RALYL: variants seen among roughly 807,000 people sequenced by gnomAD.
The protein encoded by RALYL is RNA-binding Raly-like protein.
Under a neutral mutation model 35.1 loss-of-function variants are expected in RALYL, and 29 were observed. The ratio of observed to expected loss-of-function variants is 0.83; its 90% CI spans 0.61 to 1.13. RALYL has a LOEUF of 1.13. Among genes scored for constraint, RALYL ranks in the 50% most tolerant of loss-of-function variants. RALYL has a pLI of 0.00. For missense variants in RALYL, 359 were observed against 360.4 expected, an observed-to-expected ratio of 1.00 and a Z score of 0.03; for synonymous variants, 120 against 127.6, an observed-to-expected ratio of 0.94 and a Z score of 0.40.
At chr8:84,302,823 A>T (rs1262659665) in intron 1 of RALYL, among the ~76,000 whole-genome samples, 2 of 152,176 alleles carry the variant, frequency 1.3e-5, no homozygotes, top group African/African-American at 4.8e-5. Context: ...AGCATTTATA[A>T]GGTCTCTCCA....
At chr8:84,403,618 A>G (rs749283075) in intron 1 of RALYL, among the ~76,000 whole-genome samples, 38 of 134,078 alleles carry the variant, frequency 2.8e-4, no homozygotes, top group Middle Eastern at 5.1e-3. Flanking sequence ...AGGTAGCGTG[A>G]TGCCTCCAGC....
chr8:84,735,811 C>CGAGAGAGAGAGAGAGAGAGAGAGAGAGA (rs59842702), intron 2 of RALYL, among the ~76,000 whole-genome samples: 1 of 111,306 alleles, frequency 9.0e-6, no homozygotes, highest in Non-Finnish European at 2.0e-5. Context: ...ATCCAAACCG[C>CGAGAGAGAGAGAGAGAGAGAGAGAGAGA]GAGAGAGAGA....
chr8:84,276,723 G>T (rs1479794901), intron 1 of RALYL, among the ~76,000 whole-genome samples: 2 of 152,270 alleles, frequency 1.3e-5, no homozygotes, highest in Middle Eastern at 3.4e-3. Flanking sequence ...GCTAAATGAG[G>T]TTTGATATTT....
At chr8:84,755,830 A>T (rs1811258048) in intron 2 of RALYL, among the ~76,000 whole-genome samples, 1 of 151,946 alleles carries the variant, frequency 6.6e-6, no homozygotes. Flanking sequence ...AATGTTTTGT[A>T]ACTTGACAGC....
intron 1 of RALYL, among the ~76,000 whole-genome samples, chr8:84,521,183 T>A (rs1033783950): frequency 5.3e-5 from 8 of 152,144 alleles, no homozygotes; most frequent in African/African-American, 1.9e-4. Flanking sequence ...TGTGCCCTTA[T>A]AAGAAGTGGA....
chr8:84,308,006 C>T lies in RALYL; in HGVS notation c.-24+123582C>T, dbSNP rs1031971645. Among the ~76,000 whole-genome samples, 7 of 150,986 alleles carry T rather than the reference C, an allele frequency of 4.6e-5. No homozygotes were observed. The South Asian group carries it at 6.3e-4, about 14-fold the overall frequency. The stretch of plus-strand genomic sequence containing the variant: ...AAGAAGTAAAGGCTAATTGAGCTGC[C>T]GCTCAAAACCGTAGGTCAGAAAAAA... On this transcript the variant is annotated intron_variant, in intron 1 of 8. Transcript: ENST00000521268.
chr8:84,388,414 C>G (rs1859771703), intron 1 of RALYL, among the ~76,000 whole-genome samples: 1 of 152,168 alleles, frequency 6.6e-6, no homozygotes, highest in African/African-American at 2.4e-5. Context: ...TGAGGAATCG[C>G]CACACTGACT....
intron 1 of RALYL, among the ~76,000 whole-genome samples, chr8:84,329,547 G>C (rs1846429116): frequency 6.6e-6 from 1 of 152,016 alleles, no homozygotes; most frequent in African/African-American, 2.4e-5. Context: ...CTCCCATTCT[G>C]TAGGTTGTCT....
Position 84,539,890 on chromosome 8 carries a change from G to A in RALYL, c.256+10313G>A, listed in dbSNP as rs868211889. ...TATATATATATATGTATATATATGT[G>A]TGTGTGTGTGTGTGTGTGTACATGC... On this transcript the variant is annotated intron_variant, in intron 2 of 8. Transcript: ENST00000521268. Among the ~76,000 whole-genome samples, 283 of 132,202 alleles carry A rather than the reference G, an allele frequency of 2.1e-3. 3 individuals carry two copies. Among genetic ancestry groups the A allele is most frequent in the African/African-American group, 6.7e-3 (239 of 35,910 alleles). 86.7% of individuals were successfully genotyped at this position (132,202 alleles called of 152,430 possible). A position where few individuals can be genotyped will look rare whatever the true frequency, so the allele number is the denominator to read the frequency against.
chr8:84,272,296 G>A (rs543982997), intron 1 of RALYL, among the ~76,000 whole-genome samples: 12 of 152,176 alleles, frequency 7.9e-5, no homozygotes, highest in Admixed American at 3.3e-4. Flanking sequence ...GTTTCATCAT[G>A]TTGGCCAGGC....
At chr8:84,358,994 A>G (rs1852404540) in intron 1 of RALYL, among the ~76,000 whole-genome samples, 1 of 152,062 alleles carries the variant, frequency 6.6e-6, no homozygotes, top group African/African-American at 2.4e-5. Context: ...CAAATACTTA[A>G]ATATAAATAT....
intron 8 of RALYL, among the ~76,000 whole-genome samples, chr8:84,897,998 G>A (rs1469978771): frequency 1.3e-5 from 2 of 152,162 alleles, no homozygotes; most frequent in African/African-American, 4.8e-5. Flanking sequence ...GTTGGTTCTT[G>A]AAGAATGAAA....
chr8:84,685,948 A>T (rs1272220459), intron 2 of RALYL, among the ~76,000 whole-genome samples: 1 of 152,142 alleles, frequency 6.6e-6, no homozygotes, highest in Non-Finnish European at 1.5e-5. Flanking sequence ...AGGTGCAGAT[A>T]GGTGTGGCTT....
intron 2 of RALYL, among the ~76,000 whole-genome samples, chr8:84,625,393 G>A (rs1822504919): frequency 6.6e-6 from 1 of 152,190 alleles, no homozygotes; most frequent in African/African-American, 2.4e-5. Flanking sequence ...TTAGGAAAGT[G>A]TACTGTATGG....
At position 84,622,089 on chromosome 8, in the gene RALYL, T is replaced by G. The variant is rs189786003; in HGVS notation, c.256+92512T>G. On this transcript the variant is annotated intron_variant, in intron 2 of 8. Transcript: ENST00000521268. ...GAATTAACCAGAAGTCACAATGAGT[T>G]GCTACTGTATCAGTTATAGAATTGA... is the stretch of plus-strand genomic sequence containing the variant. Among the ~76,000 whole-genome samples, 24 of 152,310 alleles carry G rather than the reference T, an allele frequency of 1.6e-4. No homozygotes were observed. In the Middle Eastern group the frequency reaches 0.017, roughly 108 times the overall value.
intron 1 of RALYL, among the ~76,000 whole-genome samples, chr8:84,275,462 A>G (rs1277908795): frequency 6.6e-6 from 1 of 151,092 alleles, no homozygotes; most frequent in Non-Finnish European, 1.5e-5. Context: ...TATGTACAGC[A>G]TGATGTTTTG....
intron 2 of RALYL, among the ~76,000 whole-genome samples, chr8:84,648,769 A>C (rs938396453): frequency 2.6e-5 from 4 of 151,142 alleles, no homozygotes; most frequent in Non-Finnish European, 4.4e-5. Flanking sequence ...TCAATGCATT[A>C]AGTTGAATTA....
intron 2 of RALYL, among the ~76,000 whole-genome samples, chr8:84,729,737 C>T (rs897506139): frequency 3.3e-5 from 5 of 151,974 alleles, no homozygotes; most frequent in African/African-American, 4.8e-5. Context: ...AAACTACCAT[C>T]AGAGAATACT....
intron 1 of RALYL, among the ~76,000 whole-genome samples, chr8:84,471,684 A>T (rs1056021782): frequency 2.0e-5 from 3 of 152,344 alleles, no homozygotes; most frequent in African/African-American, 7.2e-5. Context: ...TGCAAACTTC[A>T]TTAGATAGAT....
Sources: allele counts gnomAD v4.1 joint callset (sites outside exome capture counted in the v4.1 genomes callset), GRCh38; gene constraint gnomAD v4.1.1; transcripts MANE v1.5; gene names NCBI Gene and HGNC (gene_info 2026-07-23, HGNC 2026-07-21).